The following MAGI2 variants were observed in gnomAD, a reference collection of about 807,000 sequenced individuals.
MAGI2 encodes the protein membrane associated guanylate kinase, WW and PDZ domain containing 2, also known as membrane-associated guanylate kinase, WW and PDZ domain-containing protein 2.
MAGI2 carries 35 observed loss-of-function variants against 133.3 expected under a neutral mutation model. That is an observed-to-expected ratio of 0.26 (90% confidence interval 0.20 to 0.35). MAGI2 has a LOEUF of 0.35. Among genes scored for constraint, MAGI2 ranks in the 10% least tolerant of loss-of-function variants. MAGI2 has a pLI of 1.00. For missense variants in MAGI2, 1,636 were observed against 1,863.4 expected, an observed-to-expected ratio of 0.88 and a Z score of 2.25; for synonymous variants, 729 against 710.6, an observed-to-expected ratio of 1.03 and a Z score of -0.41.
intron 1 of MAGI2, among the ~76,000 whole-genome samples, chr7:79,214,280 C>T (rs1356043708): frequency 6.7e-6 from 1 of 148,864 alleles, no homozygotes; most frequent in African/African-American, 2.5e-5. Flanking sequence ...TTTTGATGGG[C>T]AGTTTCACTG....
At chr7:78,673,340 T>C (rs1269428916) in intron 2 of MAGI2, among the ~76,000 whole-genome samples, 3 of 151,870 alleles carry the variant, frequency 2.0e-5, no homozygotes. Flanking sequence ...TAAAGAGATT[T>C]GTTATAAGGA....
intron 9 of MAGI2, among the ~76,000 whole-genome samples, chr7:78,334,077 A>C (rs1789508582): frequency 6.6e-6 from 1 of 152,226 alleles, no homozygotes; most frequent in South Asian, 2.1e-4. Context: ...AAACATTTTC[A>C]AATGACTTCT....
chr7:78,569,605 A>G lies in MAGI2; in HGVS notation c.539-47960T>C, dbSNP rs372975346. Among the ~76,000 whole-genome samples the G allele has an allele frequency of 1.2e-4, 19 of 152,374 alleles. No individual in the cohort carries two copies. In the East Asian group the frequency reaches 2.3e-3, roughly 19 times the overall value. On this transcript the variant is annotated intron_variant, in intron 3 of 21. Transcript: ENST00000354212. ...AGGAAAGAAAAAAAAGTAAAACATT[A>G]AATCATTCCAACAGTAATATTTAAA...
chr7:78,489,617 T>C, intron 6 of MAGI2, 144 bp downstream of exon 6: 1 of 689,984 alleles, frequency 1.4e-6, no homozygotes, highest in Non-Finnish European at 2.5e-6. Flanking sequence ...CCGAGTTAAT[T>C]CTCTCTCTTA....
chr7:78,860,867 C>A (rs1022407185), intron 2 of MAGI2, among the ~76,000 whole-genome samples: 5 of 152,140 alleles, frequency 3.3e-5, no homozygotes, highest in Non-Finnish European at 7.4e-5. Context: ...GCAGGCAGGC[C>A]TCCTTGAGCT....
intron 1 of MAGI2, among the ~76,000 whole-genome samples, chr7:79,042,047 T>G (rs886453928): frequency 1.3e-5 from 2 of 151,838 alleles, no homozygotes; most frequent in Admixed American, 1.3e-4. Flanking sequence ...ATTAAGAAAA[T>G]GAAAAAAATA....
chr7:79,260,679 T>G (rs1376710764), intron 1 of MAGI2, among the ~76,000 whole-genome samples: 23 of 152,134 alleles, frequency 1.5e-4, no homozygotes, highest in Admixed American at 1.5e-3. Flanking sequence ...CAAAACACTG[T>G]CAAAACTTTA....
intron 3 of MAGI2, among the ~76,000 whole-genome samples, chr7:78,620,054 A>G (rs1016718772): frequency 1.3e-5 from 2 of 152,016 alleles, no homozygotes; most frequent in Non-Finnish European, 2.9e-5. Flanking sequence ...GTTATTACTT[A>G]CACAGTAAAA....
intron 10 of MAGI2, among the ~76,000 whole-genome samples, chr7:78,203,491 C>T (rs1829456205): frequency 6.6e-6 from 1 of 152,164 alleles, no homozygotes; most frequent in Admixed American, 6.5e-5. Flanking sequence ...TTGGGCTCCT[C>T]ATTCTTCTAA....
intron 6 of MAGI2, among the ~76,000 whole-genome samples, chr7:78,468,936 G>C (rs368470621): frequency 6.6e-6 from 1 of 152,104 alleles, no homozygotes; most frequent in Non-Finnish European, 1.5e-5. Flanking sequence ...AGGAATTTCA[G>C]GTACCATGTT....
intron 2 of MAGI2, among the ~76,000 whole-genome samples, chr7:78,849,000 T>A (rs1792886590): frequency 6.6e-6 from 1 of 152,098 alleles, no homozygotes; most frequent in South Asian, 2.1e-4. Context: ...AATCAATGAA[T>A]GAACTAACCA....
intron 2 of MAGI2, among the ~76,000 whole-genome samples, chr7:78,721,107 A>G (rs1820225358): frequency 6.6e-6 from 1 of 152,036 alleles, no homozygotes; most frequent in South Asian, 2.1e-4. Context: ...GCTTAAACCA[A>G]TATTACATAA....
intron 2 of MAGI2, among the ~76,000 whole-genome samples, chr7:78,704,721 GA>G (rs1306311032): frequency 6.7e-6 from 1 of 149,956 alleles, no homozygotes; most frequent in African/African-American, 2.5e-5. Flanking sequence ...ATGCAGCCAT[GA>G]AAAACAAGAA....
intron 10 of MAGI2, among the ~76,000 whole-genome samples, chr7:78,207,778 A>G (rs1016564658): frequency 6.6e-6 from 1 of 152,220 alleles, no homozygotes; most frequent in East Asian, 1.9e-4. Context: ...GTACTCAAAC[A>G]TCACATCACC....
intron 1 of MAGI2, among the ~76,000 whole-genome samples, chr7:79,428,714 G>T (rs189456178): frequency 1.3e-5 from 2 of 152,218 alleles, no homozygotes; most frequent in Non-Finnish European, 2.9e-5. Flanking sequence ...TAATAAAAAT[G>T]ATAGCAGGCA....
intron 1 of MAGI2, among the ~76,000 whole-genome samples, chr7:79,147,200 G>A (rs1402809181): frequency 6.6e-6 from 1 of 152,184 alleles, no homozygotes; most frequent in Non-Finnish European, 1.5e-5. Context: ...CAGACAATGT[G>A]CAGCCCATAG....
chr7:78,418,167 A>G lies in MAGI2; in HGVS notation c.1046-48954T>C, dbSNP rs146330662. Reference sequence around the variant, plus strand: ...AGAGCTCATCTCTAAAAATGCAGAAAAATATGGCAACAGAAAAGCAGAACA... The same window carrying G: ...AGAGCTCATCTCTAAAAATGCAGAAGAATATGGCAACAGAAAAGCAGAACA... On this transcript the variant is annotated intron_variant, in intron 6 of 21. Transcript: ENST00000354212. 5.3e-3 allele frequency among the ~76,000 whole-genome samples: 800 copies of G among 152,288 alleles called. 10 individuals are homozygous for G. Among genetic ancestry groups the G allele is most frequent in the African/African-American group, 0.012 (485 of 41,570 alleles).
intron 9 of MAGI2, among the ~76,000 whole-genome samples, chr7:78,292,457 T>C (rs1174810980): frequency 6.6e-6 from 1 of 152,172 alleles, no homozygotes; most frequent in Non-Finnish European, 1.5e-5. Flanking sequence ...TGGAGGAACA[T>C]TCCATGCTCA....
intron 9 of MAGI2, among the ~76,000 whole-genome samples, chr7:78,340,582 G>A (rs1489456808): frequency 6.6e-6 from 1 of 152,166 alleles, no homozygotes; most frequent in Non-Finnish European, 1.5e-5. Context: ...ACTGAATCCA[G>A]CAGCACATCA....
Sources: gnomAD v4.1 joint callset for allele counts (sites outside exome capture counted in the v4.1 genomes callset) on GRCh38, gnomAD v4.1.1 for gene constraint, MANE v1.5 for transcripts, NCBI Gene and HGNC (gene_info 2026-07-23, HGNC 2026-07-21) for gene names.